The following PDE7B variants were observed in gnomAD, a reference collection of about 807,000 sequenced individuals.
PDE7B encodes 3',5'-cyclic-AMP phosphodiesterase 7B.
A neutral mutation model predicts 56.2 loss-of-function variants in PDE7B; 29 were observed. The ratio of observed to expected loss-of-function variants is 0.52; its 90% CI spans 0.38 to 0.70. PDE7B has a LOEUF of 0.70. Among genes scored for constraint, PDE7B ranks in the 30% least tolerant of loss-of-function variants. The pLI is 0.00. For missense variants in PDE7B, 490 were observed against 565.0 expected, an observed-to-expected ratio of 0.87 and a Z score of 1.35; for synonymous variants, 197 against 196.9, an observed-to-expected ratio of 1.00 and a Z score of 0.00.
intron 1 of PDE7B, among the ~76,000 whole-genome samples, chr6:135,861,217 G>T (rs1775138788): frequency 6.6e-6 from 1 of 151,824 alleles, no homozygotes; most frequent in Non-Finnish European, 1.5e-5. Context: ...ACATGTACAG[G>T]TATATCTGTT....
At chr6:135,867,228 A>G (rs570381417) in intron 1 of PDE7B, among the ~76,000 whole-genome samples, 40 of 152,338 alleles carry the variant, frequency 2.6e-4, no homozygotes, top group Non-Finnish European at 4.1e-4. Flanking sequence ...TCAATAGGAC[A>G]GATTTTCTTT....
intron 2 of PDE7B, among the ~76,000 whole-genome samples, chr6:135,948,483 G>A (rs1774628402): frequency 6.6e-6 from 1 of 151,938 alleles, no homozygotes; most frequent in Non-Finnish European, 1.5e-5. Context: ...CAGACAGCAA[G>A]TTAAATAGAG....
intron 2 of PDE7B, among the ~76,000 whole-genome samples, chr6:136,026,987 C>T (rs997836712): frequency 6.6e-6 from 1 of 152,128 alleles, no homozygotes; most frequent in African/African-American, 2.4e-5. Context: ...ATGGTAGAGC[C>T]TTCGTAATTG....
rs1417866259 is a variant in PDE7B at position 136,020,718 on chromosome 6, T to C, written c.82+73194T>C. ...GCTATGGTCTCTAAATAAGCACCTATATTAAGAGCAAGGGACTCACCGAAA... is the reference window on the plus strand; with the variant it reads ...GCTATGGTCTCTAAATAAGCACCTACATTAAGAGCAAGGGACTCACCGAAA... On this transcript the variant is annotated intron_variant, in intron 2 of 12. Coordinates refer to ENST00000308191, the MANE Select transcript of PDE7B (RefSeq NM_018945.4). Among the ~76,000 whole-genome samples the C allele has an allele frequency of 2.6e-5, 4 of 151,816 alleles. 1 individual carries two copies. The South Asian group carries it at 6.5e-4, about 24-fold the overall frequency.
chr6:136,093,902 G>T (rs939154507), intron 2 of PDE7B: 3 of 152,276 alleles, frequency 2.0e-5, no homozygotes, highest in African/African-American at 7.2e-5. Context: ...AAATTCTCCT[G>T]TCTTCTGTTT....
intron 2 of PDE7B, among the ~76,000 whole-genome samples, chr6:136,090,016 T>C (rs575755905): frequency 2.9e-4 from 44 of 152,154 alleles, no homozygotes; most frequent in Non-Finnish European, 5.6e-4. Flanking sequence ...TTACTAGCGA[T>C]TGTGTAGGCC....
At chr6:135,972,041 C>G (rs1013777493) in intron 2 of PDE7B, among the ~76,000 whole-genome samples, 3 of 151,946 alleles carry the variant, frequency 2.0e-5, no homozygotes, top group African/African-American at 7.3e-5. Flanking sequence ...TCAAGACCAG[C>G]CTTACCAACA....
chr6:136,120,492 A>C (rs1192515073), intron 3 of PDE7B, among the ~76,000 whole-genome samples: 1 of 152,220 alleles, frequency 6.6e-6, no homozygotes, highest in Non-Finnish European at 1.5e-5. Flanking sequence ...TGTCCTGAGA[A>C]GATGGGAGGG....
chr6:136,035,643 G>T (rs1776314766), intron 2 of PDE7B, among the ~76,000 whole-genome samples: 1 of 152,062 alleles, frequency 6.6e-6, no homozygotes, highest in Admixed American at 6.5e-5. Flanking sequence ...AATGAAGTAG[G>T]TTCCTCCTTG....
At chr6:136,008,878 C>CT (rs1448191892) in intron 2 of PDE7B, among the ~76,000 whole-genome samples, 1 of 152,098 alleles carries the variant, frequency 6.6e-6, no homozygotes, top group African/African-American at 2.4e-5. Context: ...GTTGCCATTG[C>CT]TTTTGGTGTT....
intron 2 of PDE7B, among the ~76,000 whole-genome samples, chr6:136,082,360 G>T (rs1251997918): frequency 1.3e-5 from 2 of 152,196 alleles, no homozygotes; most frequent in African/African-American, 4.8e-5. Flanking sequence ...AGAGACTGGA[G>T]AAATGGGAGC....
chr6:136,052,912 G>A lies in PDE7B; in HGVS notation c.83-55819G>A, dbSNP rs150242509. On this transcript the variant is annotated intron_variant, in intron 2 of 12. Transcript: ENST00000308191. ...TTCCATCCTCATTCCCCCCAGTTGC[G>A]GACATATTCTTGATCCCTTATGTCA... Among the ~76,000 whole-genome samples the A allele has an allele frequency of 2.2e-4, 33 of 151,994 alleles. No individual in the cohort carries two copies. The East Asian group carries it at 5.6e-3, about 26-fold the overall frequency.
At chr6:136,038,392 C>A in intron 2 of PDE7B, 1 of 1,291,432 alleles carries the variant, frequency 7.7e-7, no homozygotes, top group Non-Finnish European at 1.0e-6. Context: ...GGCCGGGGTG[C>A]CAGCAGGGGC....
chr6:136,109,585 C>T (rs995342056), intron 3 of PDE7B, among the ~76,000 whole-genome samples: 4 of 152,182 alleles, frequency 2.6e-5, no homozygotes, highest in Non-Finnish European at 4.4e-5. Context: ...AAACTCTTCA[C>T]CAGGGCAAAA....
chr6:136,104,291 G>C (rs924115211), intron 2 of PDE7B, among the ~76,000 whole-genome samples: 4 of 152,136 alleles, frequency 2.6e-5, no homozygotes, highest in African/African-American at 9.7e-5. Context: ...CTTCCTACCA[G>C]CTTCCACAGC....
At chr6:135,854,962 C>A (rs1381954904) in intron 1 of PDE7B, among the ~76,000 whole-genome samples, 4 of 152,166 alleles carry the variant, frequency 2.6e-5, no homozygotes, top group African/African-American at 9.7e-5. Flanking sequence ...TCTCAAGAAT[C>A]ATTTAAGTAT....
chr6:136,038,122 C>T (rs775546086), intron 2 of PDE7B: 18 of 1,315,484 alleles, frequency 1.4e-5, no homozygotes, highest in Non-Finnish European at 1.6e-5. Context: ...CTTGTCTTTC[C>T]GAAGCTGGAG....
intron 1 of PDE7B, among the ~76,000 whole-genome samples, chr6:135,906,042 GT>G (rs1776095407): frequency 6.6e-6 from 1 of 152,124 alleles, no homozygotes; most frequent in Non-Finnish European, 1.5e-5. Flanking sequence ...GGACGCTGCT[GT>G]TTCAAAAGTA....
intron 1 of PDE7B, among the ~76,000 whole-genome samples, chr6:135,906,070 G>A (rs764508860): frequency 3.3e-5 from 5 of 152,084 alleles, no homozygotes; most frequent in Admixed American, 6.5e-5. Context: ...TCTCTTTCTG[G>A]TTGCTTGGAA....
Sources: allele counts gnomAD v4.1 joint callset (sites outside exome capture counted in the v4.1 genomes callset), GRCh38; gene constraint gnomAD v4.1.1; transcripts MANE v1.5; gene names NCBI Gene and HGNC (gene_info 2026-07-23, HGNC 2026-07-21).